Variants in PCDHGA3 observed in about 807,000 individuals in gnomAD.
PCDHGA3 encodes the protein protocadherin gamma subfamily A, 3.
In PCDHGA3, 40 loss-of-function variants were observed where a neutral mutation model predicts 58.5. The observed-to-expected ratio is 0.68, with a 90% CI of 0.53 to 0.89. PCDHGA3 has a LOEUF of 0.89. Among genes scored for constraint, PCDHGA3 ranks in the 40% least tolerant of loss-of-function variants. The pLI is 0.00. For missense variants in PCDHGA3, 1,223 were observed against 1,195.9 expected (o/e 1.02, Z -0.33); for synonymous variants, 530 against 525.7 (o/e 1.01, Z -0.11).
intron 1 of PCDHGA3, chr5:141,419,186 A>G: frequency 1.2e-6 from 2 of 1,613,940 alleles, no homozygotes; most frequent in Non-Finnish European, 1.7e-6. Context: ...CCTGCACATT[A>G]CTGACGTCAA....
intron 1 of PCDHGA3, chr5:141,392,786 T>C: frequency 5.2e-6 from 8 of 1,550,412 alleles, no homozygotes; most frequent in Non-Finnish European, 7.0e-6. Flanking sequence ...CAGTGAAGAT[T>C]CTGAGAGGAT....
rs1306522666 is a variant in PCDHGA3 at position 141,344,117 on chromosome 5, C to T, written c.84C>T (p.Ser28=). 2 of 1,613,990 alleles carry T rather than the reference C, an allele frequency of 1.2e-6. No homozygotes were observed. Among genetic ancestry groups the T allele is most frequent in the Non-Finnish European group, 8.5e-7 (1 of 1,179,862 alleles). The change falls in exon 1 of 4, where the codon TCC becomes TCT. Residue 28 remains serine (S), a synonymous_variant. Transcript: ENST00000253812. ...ALLGTLCETG[S]GQIRYSVSEE... is the part of the protein sequence containing the mutation. ...TGGGGACGCTGTGCGAAACAGGATC[C>T]GGTCAGATCCGCTACTCGGTGTCTG...
intron 1 of PCDHGA3, chr5:141,409,037 T>G (rs770619339): frequency 1.2e-6 from 2 of 1,613,992 alleles, no homozygotes; most frequent in South Asian, 2.2e-5. Context: ...TGAGATAAAC[T>G]ACTACTTCCG....
At chr5:141,499,679 T>G (rs2099793341) in intron 2 of PCDHGA3, among the ~76,000 whole-genome samples, 1 of 150,922 alleles carries the variant, frequency 6.6e-6, no homozygotes, top group South Asian at 2.1e-4. Context: ...CCACCATCTT[T>G]AACAGATGAC....
At chr5:141,357,948 G>C (rs191828282) in intron 1 of PCDHGA3, among the ~76,000 whole-genome samples, 21 of 152,264 alleles carry the variant, frequency 1.4e-4, no homozygotes, top group African/African-American at 4.3e-4. Context: ...CTAACACTTT[G>C]GGAGTGTGAG....
chr5:141,431,126 G>A lies in PCDHGA3; in HGVS notation c.2425-63681G>A, dbSNP rs2097344901. The A allele has an allele frequency of 2.5e-6, 4 of 1,614,114 alleles. No individual in the cohort carries two copies. Among genetic ancestry groups the A allele is most frequent in the Non-Finnish European group, 3.4e-6 (4 of 1,180,038 alleles). On this transcript the variant is annotated intron_variant, in intron 1 of 3. Coordinates refer to ENST00000253812, the MANE Select transcript of PCDHGA3 (RefSeq NM_018916.4). The surrounding 1 kb of genome is among the most constrained non-coding windows in gnomAD (Gnocchi z 4.8). ...GAAAATATATGGAGTAGAAGTAGAA[G>A]TAAGGGACATTAACGACAATGCGCC... is the stretch of plus-strand genomic sequence containing the variant.
chr5:141,473,616 G>A (rs1049605139), intron 1 of PCDHGA3, among the ~76,000 whole-genome samples: 5 of 152,118 alleles, frequency 3.3e-5, no homozygotes, highest in African/African-American at 1.2e-4. Flanking sequence ...GCAAAGGGAG[G>A]GAGGAAAAAG....
chr5:141,376,635 T>C, intron 1 of PCDHGA3: 3 of 1,245,578 alleles, frequency 2.4e-6, no homozygotes, highest in Non-Finnish European at 3.3e-6. Flanking sequence ...AGATTCGTGA[T>C]TTTGTAAAGT....
chr5:141,465,697 T>C (rs1386528821), intron 1 of PCDHGA3, among the ~76,000 whole-genome samples: 2 of 152,200 alleles, frequency 1.3e-5, no homozygotes, highest in African/African-American at 4.8e-5. Context: ...TGCTTTTGCA[T>C]TGGTCAAATG....
intron 1 of PCDHGA3, among the ~76,000 whole-genome samples, chr5:141,444,463 G>T (rs570185430): frequency 6.6e-6 from 1 of 152,144 alleles, no homozygotes; most frequent in Admixed American, 6.5e-5. Flanking sequence ...GAGTCACTGC[G>T]CCCGGTCGCG....
chr5:141,433,921 T>G (rs1203867326), intron 1 of PCDHGA3, among the ~76,000 whole-genome samples: 2 of 152,012 alleles, frequency 1.3e-5, no homozygotes, highest in African/African-American at 4.8e-5. Flanking sequence ...CACCTCCAAA[T>G]GAAGATTTTA....
chr5:141,511,450 C>A lies in PCDHGA3; in HGVS notation c.*277C>A. Reference sequence around the variant, plus strand: ...TGGGGTTACTGTAGACACCAAGAACCATTTGCCACACCCCGTTTAGTTACA... The same window carrying A: ...TGGGGTTACTGTAGACACCAAGAACAATTTGCCACACCCCGTTTAGTTACA... On this transcript the variant is annotated 3_prime_UTR_variant, in exon 4 of 4. Transcript: ENST00000253812. The A allele has an allele frequency of 3.3e-6, 2 of 615,088 alleles. No homozygotes were observed. The highest frequency in any genetic ancestry group is 6.8e-5 in the East Asian group (2 of 29,272). The allele number at this position is 615,088 out of a possible 1,614,324, so 38.1% of individuals were successfully genotyped here.
At chr5:141,422,561 A>T in intron 1 of PCDHGA3, 1 of 1,613,992 alleles carries the variant, frequency 6.2e-7, no homozygotes, top group Non-Finnish European at 8.5e-7. Context: ...AATGTGGCAG[A>T]TGACAACGAT....
intron 1 of PCDHGA3, chr5:141,385,127 T>C: frequency 6.2e-7 from 1 of 1,614,222 alleles, no homozygotes. Context: ...TTTGTGGGCA[T>C]GGACGGGGTG....
chr5:141,446,854 C>T (rs1474444931), intron 1 of PCDHGA3, among the ~76,000 whole-genome samples: 1 of 152,134 alleles, frequency 6.6e-6, no homozygotes, highest in Non-Finnish European at 1.5e-5. Context: ...AATAAGCTTC[C>T]TGATAGCTCT....
rs1386175019 is a variant in PCDHGA3, at chr5:141,345,007, C to T, written c.974C>T (p.Pro325Leu). 6.2e-7 allele frequency: 1 copy of T among 1,613,806 alleles called. No homozygotes were observed. The highest frequency in any genetic ancestry group is 1.3e-5 in the African/African-American group (1 of 74,956). ...YEIKIEAQDG[P>L]GLLSRAKILV... ...ATTAAAATTGAAGCACAGGATGGAC[C>T]AGGTCTTCTTTCAAGAGCCAAGATT... The change falls in exon 1 of 4, where the codon CCA becomes CTA. Residue 325 changes from proline to leucine, a missense_variant. Physicochemically the swap from Pro to Leu is moderately conservative, Grantham distance 98. This residue lies in a region of PCDHGA3 where 791 missense variants were observed against 708.5 expected (regional missense o/e 1.12). Coordinates refer to ENST00000253812, the MANE Select transcript of PCDHGA3 (RefSeq NM_018916.4).
chr5:141,384,060 A>T (rs1453253478), intron 1 of PCDHGA3: 1 of 1,609,266 alleles, frequency 6.2e-7, no homozygotes, highest in South Asian at 1.1e-5. Context: ...GCACCATTCC[A>T]GAAAACCTAC....
chr5:141,428,145 A>G (rs748256830), intron 1 of PCDHGA3: 10 of 1,592,574 alleles, frequency 6.3e-6, no homozygotes, highest in African/African-American at 1.3e-5. Context: ...GGGGCTGCAC[A>G]CGGGAACCTG....
intron 1 of PCDHGA3, chr5:141,423,311 T>G: frequency 2.5e-6 from 4 of 1,614,134 alleles, no homozygotes; most frequent in Non-Finnish European, 3.4e-6. Flanking sequence ...CTGTACTTGG[T>G]GGTGGCGGTG....
Sources: gnomAD v4.1 joint callset for allele counts (sites outside exome capture counted in the v4.1 genomes callset) on GRCh38, gnomAD v4.1.1 for gene constraint, gnomAD v4.1.1 regional missense constraint, Gnocchi (gnomAD v3.1) non-coding constraint, MANE v1.5 for transcripts, NCBI Gene and HGNC (gene_info 2026-07-23, HGNC 2026-07-21) for gene names.